AMMECR1L: variants seen among roughly 807,000 people sequenced by gnomAD.
The protein encoded by AMMECR1L is AMMECR1 like.
In AMMECR1L, 4 loss-of-function variants were observed where a neutral mutation model predicts 36.8. The observed-to-expected ratio is 0.11, with a 90% CI of 0.05 to 0.25. The LOEUF (loss-of-function observed/expected upper bound fraction) is 0.25, where lower values mean the gene tolerates loss of function less well. AMMECR1L is among the 10% of genes least tolerant of loss of function. The pLI is 1.00. For missense variants in AMMECR1L, 232 were observed against 392.1 expected (o/e 0.59, Z 3.45); for synonymous variants, 147 against 148.0 (o/e 0.99, Z 0.05).
chr2:127,875,214 A>T (rs1691171938), intron 2 of AMMECR1L, among the ~76,000 whole-genome samples: 1 of 152,142 alleles, frequency 6.6e-6, no homozygotes, highest in Non-Finnish European at 1.5e-5. Flanking sequence ...TAGCCATAAC[A>T]CAACTAAGGT....
At position 127,866,829 on chromosome 2, in the gene AMMECR1L, T is replaced by C. The variant is rs187856538; in HGVS notation, c.821+71A>G. 1.2e-5 allele frequency: 17 copies of C among 1,384,670 alleles called. No homozygotes were observed. The African/African-American group carries it at 2.4e-4, about 20-fold the overall frequency. The allele number at this position is 1,384,670 out of a possible 1,614,324, so 85.8% of individuals were successfully genotyped here. A position where few individuals can be genotyped will look rare whatever the true frequency, so the allele number is the denominator to read the frequency against. On this transcript the variant is annotated intron_variant, in intron 7 of 7. Transcript: ENST00000272647. ...ATTCACAGAGAACACTTCTTCTCCATCCCATCAAAATTATCCTCCATTCAA... is the reference window on the plus strand; with the variant it reads ...ATTCACAGAGAACACTTCTTCTCCACCCCATCAAAATTATCCTCCATTCAA...
At chr2:127,866,622 T>G (rs1166020680) in intron 7 of AMMECR1L, among the ~76,000 whole-genome samples, 1 of 152,164 alleles carries the variant, frequency 6.6e-6, no homozygotes, top group African/African-American at 2.4e-5. Context: ...AGTCTCCCCC[T>G]CAGCCTCCCA....
At position 127,873,080 on chromosome 2, in the gene AMMECR1L, G is replaced by A. The variant is rs139282116; in HGVS notation, c.407+748C>T. On this transcript the variant is annotated intron_variant, in intron 3 of 7. Transcript: ENST00000272647. This position sits in a 1 kb window ranked among gnomAD's most constrained non-coding sequence, Gnocchi z 5.2. ...AGTCTCCGTATGGCAATCAACAACT[G>A]AGGAATGAATAATCTCATATCAATG... 27 of 985,328 alleles carry A rather than the reference G, an allele frequency of 2.7e-5. No homozygotes were observed. The African/African-American group carries it at 4.7e-4, about 17-fold the overall frequency. 61.0% of individuals were successfully genotyped at this position (985,328 alleles called of 1,614,324 possible). A position where few individuals can be genotyped will look rare whatever the true frequency, so the allele number is the denominator to read the frequency against.
At chr2:127,868,934 A>G (rs1372954246) in intron 6 of AMMECR1L, among the ~76,000 whole-genome samples, 1 of 152,178 alleles carries the variant, frequency 6.6e-6, no homozygotes, top group African/African-American at 2.4e-5. Context: ...CATGCTGGCC[A>G]GGATGGTCTC....
intron 2 of AMMECR1L, among the ~76,000 whole-genome samples, chr2:127,879,213 T>A (rs1189635852): frequency 1.3e-5 from 2 of 152,230 alleles, no homozygotes; most frequent in Non-Finnish European, 2.9e-5. Context: ...ATCCCCAGTG[T>A]TAGCTGTGGG....
Position 127,869,760 on chromosome 2 carries a change from T to G in AMMECR1L, c.634-216A>C, listed in dbSNP as rs1690873996. On this transcript the variant is annotated intron_variant, in intron 5 of 7. Coordinates refer to ENST00000272647, the MANE Select transcript of AMMECR1L (RefSeq NM_001199140.2). This position sits in a 1 kb window ranked among gnomAD's most constrained non-coding sequence, Gnocchi z 4.7. Reference sequence around the variant, plus strand: ...GGTCGAGAGTATGTGCAGCCAACTCTGAGAATATGAAGGTAGGAGAAATGC... The same window carrying G: ...GGTCGAGAGTATGTGCAGCCAACTCGGAGAATATGAAGGTAGGAGAAATGC... Among the ~76,000 whole-genome samples, 2 of 152,210 alleles carry G rather than the reference T, an allele frequency of 1.3e-5. No homozygotes were observed. The highest frequency in any genetic ancestry group is 2.9e-5 in the Non-Finnish European group (2 of 68,042).
rs775664977 is a variant in AMMECR1L, at chr2:127,874,187, T to C, written c.48A>G (p.Ala16=). ...CVPPLEPKLA[A]GCCGVKKPKL... ...TGGGCTTCTTGACCCCACAACAGCC[T>C]GCTGCCAACTTGGGCTCGAGTGGAG... The change falls in exon 3 of 8, where the codon GCA becomes GCG. Residue 16 remains alanine (A), a synonymous_variant. Transcript: ENST00000272647. This position sits in a 1 kb window ranked among gnomAD's most constrained non-coding sequence, Gnocchi z 5.2. 2.0e-5 allele frequency: 33 copies of C among 1,614,122 alleles called. No individual in the cohort carries two copies. The highest frequency in any genetic ancestry group is 2.4e-5 in the Non-Finnish European group (28 of 1,180,048).
At chr2:127,883,145 G>A (rs1691591858) in intron 2 of AMMECR1L, among the ~76,000 whole-genome samples, 3 of 149,068 alleles carry the variant, frequency 2.0e-5, no homozygotes, top group Admixed American at 2.0e-4. Context: ...TCGTCAGGCT[G>A]GAGTACAGTG....
chr2:127,866,887 G>C lies in AMMECR1L; in HGVS notation c.821+13C>G. ...TAAATTGAAATGATAAGGAAAACAA[G>C]ACAATGGCTTACCTGGTGAGTTTGA... On this transcript the variant is annotated intron_variant, in intron 7 of 7. Coordinates refer to ENST00000272647, the MANE Select transcript of AMMECR1L (RefSeq NM_001199140.2). The C allele has an allele frequency of 1.9e-6, 3 of 1,611,056 alleles. No individual in the cohort carries two copies. Among genetic ancestry groups the C allele is most frequent in the Non-Finnish European group, 2.5e-6 (3 of 1,177,220 alleles).
At chr2:127,877,827 G>C (rs111815822) in intron 2 of AMMECR1L, among the ~76,000 whole-genome samples, 10 of 152,260 alleles carry the variant, frequency 6.6e-5, no homozygotes, top group African/African-American at 2.4e-4. Flanking sequence ...GAGGTCGATC[G>C]AGGTGGGAGG....
At chr2:127,882,649 A>G (rs539439880) in intron 2 of AMMECR1L, among the ~76,000 whole-genome samples, 34 of 152,306 alleles carry the variant, frequency 2.2e-4, no homozygotes, top group Middle Eastern at 6.8e-3. Flanking sequence ...GCTGGAGTGC[A>G]GTGGTACAAT....
Position 127,871,727 on chromosome 2 carries a change from C to T in AMMECR1L, c.408-368G>A, listed in dbSNP as rs1273455867. 1.3e-5 allele frequency among the ~76,000 whole-genome samples: 2 copies of T among 152,116 alleles called. No individual in the cohort carries two copies. Among genetic ancestry groups the T allele is most frequent in the South Asian group, 2.1e-4 (1 of 4,834 alleles). On this transcript the variant is annotated intron_variant, in intron 3 of 7. Coordinates refer to ENST00000272647, the MANE Select transcript of AMMECR1L (RefSeq NM_001199140.2). The surrounding 1 kb of genome is among the most constrained non-coding windows in gnomAD (Gnocchi z 4.3). ...GTCTATTTATCCAGGTAGCCATGCT[C>T]CCCCGCTCCGTCTTTCATGATGACA...
At position 127,862,381 on chromosome 2, in the gene AMMECR1L, A is replaced by C. The variant is rs1051698180; in HGVS notation, c.*2713T>G. The C allele has an allele frequency of 6.5e-6, 1 of 153,810 alleles. No homozygotes were observed. Among genetic ancestry groups the C allele is most frequent in the Non-Finnish European group, 1.5e-5 (1 of 68,084 alleles). The allele number at this position is 153,810 out of a possible 1,614,324, so 9.5% of individuals were successfully genotyped here. A position where few individuals can be genotyped will look rare whatever the true frequency, so the allele number is the denominator to read the frequency against. ...CACACCGCAGGTACTGGCCGCCCTC[A>C]TCACTGCTTTGGTCAAGCGTGCAGA... is the stretch of plus-strand genomic sequence containing the variant. On this transcript the variant is annotated 3_prime_UTR_variant, in exon 8 of 8. Coordinates refer to ENST00000272647, the MANE Select transcript of AMMECR1L (RefSeq NM_001199140.2).
At chr2:127,870,423 C>G (rs558800758) in intron 5 of AMMECR1L, among the ~76,000 whole-genome samples, 2 of 151,386 alleles carry the variant, frequency 1.3e-5, no homozygotes, top group African/African-American at 4.9e-5. Flanking sequence ...TGCAGTAAGC[C>G]GAGATCACGT....
At chr2:127,868,127 A>G (rs1176001221) in intron 6 of AMMECR1L, among the ~76,000 whole-genome samples, 1 of 152,148 alleles carries the variant, frequency 6.6e-6, no homozygotes. Context: ...TTGCCCTCCC[A>G]AAGTGCTGGG....
At chr2:127,868,546 C>T (rs1371095779) in intron 6 of AMMECR1L, among the ~76,000 whole-genome samples, 1 of 152,198 alleles carries the variant, frequency 6.6e-6, no homozygotes, top group Non-Finnish European at 1.5e-5. Flanking sequence ...CCAACAAATA[C>T]TGTGTTTCAC....
intron 2 of AMMECR1L, among the ~76,000 whole-genome samples, chr2:127,883,147 A>C (rs1691592040): frequency 6.7e-6 from 1 of 149,118 alleles, no homozygotes; most frequent in African/African-American, 2.5e-5. Context: ...GTCAGGCTGG[A>C]GTACAGTGGC....
intron 2 of AMMECR1L, among the ~76,000 whole-genome samples, chr2:127,883,646 C>T (rs2104786433): frequency 6.6e-6 from 1 of 152,284 alleles, no homozygotes; most frequent in East Asian, 1.9e-4. Context: ...CATTAATCAA[C>T]TCAAGAGGGC....
At position 127,869,144 on chromosome 2, in the gene AMMECR1L, T is replaced by C. The variant is rs1690841296; in HGVS notation, c.724+310A>G. ...ACTGAATTCTACAATATGGTCAGGT[T>C]GATTGGTGGTATTTTGCTACAATTG... On this transcript the variant is annotated intron_variant, in intron 6 of 7. Coordinates refer to ENST00000272647, the MANE Select transcript of AMMECR1L (RefSeq NM_001199140.2). The surrounding 1 kb of genome is among the most constrained non-coding windows in gnomAD (Gnocchi z 4.7). Among the ~76,000 whole-genome samples the C allele has an allele frequency of 1.3e-5, 2 of 152,202 alleles. No homozygotes were observed. The highest frequency in any genetic ancestry group is 1.3e-4 in the Admixed American group (2 of 15,276).
Sources: allele counts gnomAD v4.1 joint callset (sites outside exome capture counted in the v4.1 genomes callset), GRCh38; gene constraint gnomAD v4.1.1; non-coding constraint Gnocchi (gnomAD v3.1); transcripts MANE v1.5; gene names NCBI Gene and HGNC (gene_info 2026-07-23, HGNC 2026-07-21).